The following PCDHGB4 variants were observed in gnomAD, a reference collection of about 807,000 sequenced individuals.
PCDHGB4 encodes the protein protocadherin gamma-B4.
A neutral mutation model predicts 60.5 loss-of-function variants in PCDHGB4; 38 were observed. The observed-to-expected ratio is 0.63, with a 90% CI of 0.48 to 0.82. The LOEUF is 0.82. PCDHGB4 is among the 40% of genes least tolerant of loss of function. PCDHGB4 has a pLI of 0.00. For missense variants in PCDHGB4, 1,109 were observed against 1,209.6 expected (o/e 0.92, Z 1.23); for synonymous variants, 456 against 509.7 (o/e 0.89, Z 1.42).
chr5:141,419,035 T>G, intron 1 of PCDHGB4: 1 of 1,613,954 alleles, frequency 6.2e-7, no homozygotes, highest in Non-Finnish European at 8.5e-7. Context: ...GTGTTCCATT[T>G]AAGATTCATT....
Position 141,489,600 on chromosome 5 carries a change from G to A in PCDHGB4, c.2398-5207G>A, listed in dbSNP as rs1407225048. 8.1e-6 allele frequency: 13 copies of A among 1,614,034 alleles called. No homozygotes were observed. Among genetic ancestry groups the A allele is most frequent in the Non-Finnish European group, 1.1e-5 (13 of 1,179,962 alleles). ...ACCCCCTGGAGCTAATCCGTGTAGA[G>A]GTAGAGATCCTGGATCTCAATGACA... On this transcript the variant is annotated intron_variant, in intron 1 of 3. Transcript: ENST00000519479. This position sits in a 1 kb window ranked among gnomAD's most constrained non-coding sequence, Gnocchi z 4.5.
intron 1 of PCDHGB4, among the ~76,000 whole-genome samples, chr5:141,481,668 A>G (rs1051166504): frequency 6.6e-6 from 1 of 152,090 alleles, no homozygotes; most frequent in Admixed American, 6.6e-5. Flanking sequence ...TAATACAAAA[A>G]TCAGGCCGGG....
chr5:141,509,684 C>G (rs572295300), intron 3 of PCDHGB4, among the ~76,000 whole-genome samples: 139 of 152,310 alleles, frequency 9.1e-4, no homozygotes, highest in Admixed American at 3.7e-3. Flanking sequence ...TTCTTCTGTA[C>G]AGTGGGACGT....
At chr5:141,488,578 G>A (rs1286219713) in intron 1 of PCDHGB4, among the ~76,000 whole-genome samples, 2 of 152,178 alleles carry the variant, frequency 1.3e-5, no homozygotes, top group Non-Finnish European at 2.9e-5. Flanking sequence ...AGCATTGCTG[G>A]AGAGTCAGGG....
Position 141,393,951 on chromosome 5 carries a change from G to A in PCDHGB4, c.2397+3670G>A, listed in dbSNP as rs778713382. The A allele has an allele frequency of 6.4e-5, 104 of 1,613,726 alleles. No homozygotes were observed. The highest frequency in any genetic ancestry group is 1.6e-4 in the Middle Eastern group (1 of 6,084). ...GCATGACCAAGACTCTGGAAAGAAT[G>A]GTCAAGTTGTCTGTTACACACGTGA... On this transcript the variant is annotated intron_variant, in intron 1 of 3. Transcript: ENST00000519479.
At chr5:141,408,619 T>C in intron 1 of PCDHGB4, 1 of 1,613,974 alleles carries the variant, frequency 6.2e-7, no homozygotes, top group South Asian at 1.1e-5. Context: ...AGGAAATACA[T>C]TTAGAAATTT....
At position 141,432,579 on chromosome 5, in the gene PCDHGB4, G is replaced by T; in HGVS notation, c.2397+42298G>T. On this transcript the variant is annotated intron_variant, in intron 1 of 3. Coordinates refer to ENST00000519479, the MANE Select transcript of PCDHGB4 (RefSeq NM_003736.4). This position sits in a 1 kb window ranked among gnomAD's most constrained non-coding sequence, Gnocchi z 6.0. ...GGCCAGAACGCCTGGCTGTCCTACC[G>T]TCTGCTCAAGGCCAGCGAGCCGGGA... is the stretch of plus-strand genomic sequence containing the variant. 1 of 1,613,860 alleles carries T rather than the reference G, an allele frequency of 6.2e-7. No homozygotes were observed. Among genetic ancestry groups the T allele is most frequent in the Non-Finnish European group, 8.5e-7 (1 of 1,179,984 alleles).
chr5:141,403,120 C>T, intron 1 of PCDHGB4: 2 of 1,614,050 alleles, frequency 1.2e-6, no homozygotes, highest in Non-Finnish European at 1.7e-6. Flanking sequence ...CTCTGGAGCC[C>T]CGGGAGCTGG....
At position 141,485,651 on chromosome 5, in the gene PCDHGB4, G is replaced by A. The variant is rs752827268; in HGVS notation, c.2398-9156G>A. The A allele has an allele frequency of 6.8e-6, 11 of 1,612,228 alleles. No individual in the cohort carries two copies. The Admixed American group carries it at 1.3e-4, about 20-fold the overall frequency. ...TTTCCCGTTGGAAAAGGCTCAGGATGCAGATGTGGGGAGCAATTCGATTAG... is the reference window on the plus strand; with the variant it reads ...TTTCCCGTTGGAAAAGGCTCAGGATACAGATGTGGGGAGCAATTCGATTAG... On this transcript the variant is annotated intron_variant, in intron 1 of 3. Transcript: ENST00000519479. This position sits in a 1 kb window ranked among gnomAD's most constrained non-coding sequence, Gnocchi z 5.7.
chr5:141,456,968 A>AAAACAAAC (rs202005606), intron 1 of PCDHGB4, among the ~76,000 whole-genome samples: 1 of 152,282 alleles, frequency 6.6e-6, no homozygotes, highest in Admixed American at 6.5e-5. Flanking sequence ...ATCTCAAAAC[A>AAAACAAAC]AAACAAACAA....
intron 1 of PCDHGB4, among the ~76,000 whole-genome samples, chr5:141,452,271 C>A (rs1592214421): frequency 6.6e-6 from 1 of 152,108 alleles, no homozygotes. Flanking sequence ...TTTCTTGAAC[C>A]CTTTCTTACT....
At chr5:141,456,220 T>C (rs965297694) in intron 1 of PCDHGB4, among the ~76,000 whole-genome samples, 1 of 152,098 alleles carries the variant, frequency 6.6e-6, no homozygotes, top group Admixed American at 6.6e-5. Context: ...TGTGGCGATA[T>C]CAAACTAACT....
chr5:141,392,242 G>A (rs1294476832), intron 1 of PCDHGB4: 1 of 152,134 alleles, frequency 6.6e-6, no homozygotes, highest in African/African-American at 2.4e-5. Context: ...TTAGTTATTT[G>A]TTAGTATATA....
rs752660538 is a variant in PCDHGB4 at position 141,486,495 on chromosome 5, T to C, written c.2398-8312T>C. 1 of 1,614,074 alleles carries C rather than the reference T, an allele frequency of 6.2e-7. No individual in the cohort carries two copies. The highest frequency in any genetic ancestry group is 8.5e-7 in the Non-Finnish European group (1 of 1,179,922). On this transcript the variant is annotated intron_variant, in intron 1 of 3. Transcript: ENST00000519479. The surrounding 1 kb of genome is among the most constrained non-coding windows in gnomAD (Gnocchi z 5.0). ...CCTCCTCTCAGTACCCACAGAACTA[T>C]TTTCCTCAATATTTCAGATGTGAAT...
chr5:141,487,689 A>G lies in PCDHGB4; in HGVS notation c.2398-7118A>G. 6.2e-7 allele frequency: 1 copy of G among 1,605,144 alleles called. No homozygotes were observed. The highest frequency in any genetic ancestry group is 1.7e-4 in the Middle Eastern group (1 of 6,050). ...GGCATATGGCTAGGCCATGTCCTAG[A>G]GAGTACTGGCCTCTCAGTAAGTGCC... On this transcript the variant is annotated intron_variant, in intron 1 of 3. Coordinates refer to ENST00000519479, the MANE Select transcript of PCDHGB4 (RefSeq NM_003736.4). This position sits in a 1 kb window ranked among gnomAD's most constrained non-coding sequence, Gnocchi z 5.0.
chr5:141,486,760 G>C lies in PCDHGB4; in HGVS notation c.2398-8047G>C. ...GATCCTTTGACTATGAGCAAACCCAGACACTGCAGTTTGAGGTGCAGGCCC... is the reference window on the plus strand; with the variant it reads ...GATCCTTTGACTATGAGCAAACCCACACACTGCAGTTTGAGGTGCAGGCCC... On this transcript the variant is annotated intron_variant, in intron 1 of 3. Transcript: ENST00000519479. This position sits in a 1 kb window ranked among gnomAD's most constrained non-coding sequence, Gnocchi z 5.0. 1.2e-6 allele frequency: 2 copies of C among 1,614,240 alleles called. No homozygotes were observed. The highest frequency in any genetic ancestry group is 2.2e-5 in the South Asian group (2 of 91,086).
chr5:141,476,831 G>C lies in PCDHGB4; in HGVS notation c.2398-17976G>C, dbSNP rs779348525. ...TCACATCAAGGTGCTGGACGCGAAT[G>C]ACAATGCGCCTGTCTTCAACCAGTC... On this transcript the variant is annotated intron_variant, in intron 1 of 3. Transcript: ENST00000519479. This position sits in a 1 kb window ranked among gnomAD's most constrained non-coding sequence, Gnocchi z 7.6. 1 of 1,613,504 alleles carries C rather than the reference G, an allele frequency of 6.2e-7. No homozygotes were observed. Among genetic ancestry groups the C allele is most frequent in the Non-Finnish European group, 8.5e-7 (1 of 1,180,050 alleles).
chr5:141,411,743 G>A (rs2095510866), intron 1 of PCDHGB4: 2 of 152,860 alleles, frequency 1.3e-5, no homozygotes, highest in Non-Finnish European at 2.9e-5. Flanking sequence ...TTAGCAGGGT[G>A]TGGTGGCACA....
chr5:141,423,506 T>C (rs1242003813), intron 1 of PCDHGB4: 1 of 1,613,808 alleles, frequency 6.2e-7, no homozygotes, highest in African/African-American at 1.3e-5. Context: ...GAGGTCTCTC[T>C]CATTGCGGAC....
Sources: allele counts gnomAD v4.1 joint callset (sites outside exome capture counted in the v4.1 genomes callset), GRCh38; gene constraint gnomAD v4.1.1; non-coding constraint Gnocchi (gnomAD v3.1); transcripts MANE v1.5; gene names NCBI Gene and HGNC (gene_info 2026-07-23, HGNC 2026-07-21).